Variants in C1QTNF3 observed in about 807,000 individuals in gnomAD.
The protein encoded by C1QTNF3 is C1q and TNF related 3, also known as complement C1q tumor necrosis factor-related protein 3.
Under a neutral mutation model 32.6 loss-of-function variants are expected in C1QTNF3, and 26 were observed. The observed-to-expected ratio is 0.80, with a 90% confidence interval of 0.58 to 1.11. C1QTNF3 has a LOEUF of 1.11. C1QTNF3 is among the 50% of genes least tolerant of loss of function. The pLI, the probability that C1QTNF3 is intolerant of heterozygous loss-of-function variation, is 0.00. For missense variants in C1QTNF3, 362 were observed against 398.2 expected, an observed-to-expected ratio of 0.91 and a Z score of 0.77; for synonymous variants, 155 against 146.0, an observed-to-expected ratio of 1.06 and a Z score of -0.44.
At chr5:34,172,290 C>T in the C1QTNF3 span, among the ~76,000 whole-genome samples, 2 of 151,880 alleles carry the variant, frequency 1.3e-5, no homozygotes, top group Non-Finnish European at 2.9e-5. Context: ...TAAAATAGAA[C>T]ATTTATAATG....
the C1QTNF3 span, among the ~76,000 whole-genome samples, chr5:34,125,622 C>T: frequency 1.3e-5 from 2 of 151,836 alleles, no homozygotes; most frequent in African/African-American, 4.8e-5. Flanking sequence ...ACATTGTCTG[C>T]ACATTTCTAA....
chr5:34,101,766 A>G, the C1QTNF3 span, among the ~76,000 whole-genome samples: 2 of 152,134 alleles, frequency 1.3e-5, no homozygotes, highest in East Asian at 1.9e-4. Flanking sequence ...AGATTAGGCC[A>G]GCCTCTTTGA....
intron 1 of C1QTNF3, among the ~76,000 whole-genome samples, chr5:34,039,927 C>A (rs1390640518): frequency 6.6e-6 from 1 of 152,214 alleles, no homozygotes; most frequent in Non-Finnish European, 1.5e-5. Flanking sequence ...ACTTTGAGGG[C>A]ACAGAGCTGC....
chr5:34,059,232 C>T, the C1QTNF3 span, among the ~76,000 whole-genome samples: 1 of 152,092 alleles, frequency 6.6e-6, no homozygotes. Flanking sequence ...CGTCATCTTG[C>T]TGAGTCCCTA....
chr5:34,166,468 T>C, the C1QTNF3 span: 4 of 152,282 alleles, frequency 2.6e-5, no homozygotes, highest in Admixed American at 1.3e-4. Flanking sequence ...TCTCGACTTA[T>C]ATAGAACATG....
intron 4 of C1QTNF3, among the ~76,000 whole-genome samples, chr5:34,025,562 T>C (rs1380109514): frequency 6.6e-6 from 1 of 152,166 alleles, no homozygotes; most frequent in South Asian, 2.1e-4. Context: ...TGCTGTAATT[T>C]CAAAAACCAG....
At chr5:34,042,761 A>G in intron 1 of C1QTNF3, 62 bp downstream of exon 1, 1 of 1,462,216 alleles carries the variant, frequency 6.8e-7, no homozygotes, top group Non-Finnish European at 9.2e-7. Flanking sequence ...AACAACAACA[A>G]AACAACAACA....
chr5:34,223,146 T>C, the C1QTNF3 span, among the ~76,000 whole-genome samples: 1 of 148,246 alleles, frequency 6.7e-6, no homozygotes, highest in Non-Finnish European at 1.5e-5. Flanking sequence ...ATTAGATATA[T>C]CTCCTAATGC....
chr5:34,124,539 T>C, the C1QTNF3 span: 2 of 668,364 alleles, frequency 3.0e-6, no homozygotes. Flanking sequence ...CTGTAAACAA[T>C]GAGATCTTGT....
At chr5:34,084,675 A>AT in the C1QTNF3 span, among the ~76,000 whole-genome samples, 48 of 149,120 alleles carry the variant, frequency 3.2e-4, 1 homozygote, top group South Asian at 2.1e-4. Context: ...AATAAACTGT[A>AT]TTTTTTTCTT....
the C1QTNF3 span, among the ~76,000 whole-genome samples, chr5:34,194,957 A>G: frequency 6.6e-6 from 1 of 151,544 alleles, no homozygotes. Context: ...CATGTTCAGT[A>G]CAGACGCAAT....
chr5:34,148,326 AGGAAGCTCGAACTGGGT>A, the C1QTNF3 span, among the ~76,000 whole-genome samples: 1 of 97,982 alleles, frequency 1.0e-5, no homozygotes, highest in African/African-American at 3.9e-5. Context: ...CAAAGCAGCC[AGGAAGCTCGAACTGGGT>A]GGAGCCCACC....
chr5:34,166,622 A>G, the C1QTNF3 span: 1 of 152,160 alleles, frequency 6.6e-6, no homozygotes, highest in African/African-American at 2.4e-5. Context: ...GTTTATTCAC[A>G]AAGTATTTTT....
chr5:34,092,896 A>G, the C1QTNF3 span, among the ~76,000 whole-genome samples: 3 of 152,224 alleles, frequency 2.0e-5, no homozygotes, highest in Admixed American at 6.5e-5. Context: ...CCTATTCACC[A>G]ATCTTGCTGT....
At chr5:34,218,899 G>A in the C1QTNF3 span, among the ~76,000 whole-genome samples, 2 of 151,912 alleles carry the variant, frequency 1.3e-5, no homozygotes, top group African/African-American at 2.4e-5. Flanking sequence ...AAAGATTCAT[G>A]TTTATGAAAA....
the C1QTNF3 span, among the ~76,000 whole-genome samples, chr5:34,143,274 G>A: frequency 6.6e-6 from 1 of 152,044 alleles, no homozygotes; most frequent in East Asian, 1.9e-4. Context: ...GAGAAATATG[G>A]GATTCTATAA....
At chr5:34,106,426 C>A in the C1QTNF3 span, 1 of 149,750 alleles carries the variant, frequency 6.7e-6, no homozygotes, top group Non-Finnish European at 1.5e-5. Flanking sequence ...TAATAAAACC[C>A]TACTGTAATT....
chr5:34,139,068 T>C, the C1QTNF3 span, among the ~76,000 whole-genome samples: 3 of 152,068 alleles, frequency 2.0e-5, no homozygotes, highest in South Asian at 2.1e-4. Flanking sequence ...CTTAGACATA[T>C]TGTATGTATC....
chr5:34,202,796 T>A, the C1QTNF3 span, among the ~76,000 whole-genome samples: 1 of 152,026 alleles, frequency 6.6e-6, no homozygotes, highest in Admixed American at 6.6e-5. Context: ...AGTCATACAG[T>A]TTTTTGTTTT....
Sources: allele counts gnomAD v4.1 joint callset (sites outside exome capture counted in the v4.1 genomes callset), GRCh38; gene constraint gnomAD v4.1.1; transcripts MANE v1.5; gene names NCBI Gene and HGNC (gene_info 2026-07-23, HGNC 2026-07-21).